FANCI: variants seen among roughly 807,000 people sequenced by gnomAD.
The protein encoded by FANCI is Fanconi anemia group I protein.
In FANCI, 156 loss-of-function variants were observed where a neutral mutation model predicts 176.1. That is an observed-to-expected ratio of 0.89 (90% confidence interval 0.78 to 1.01). FANCI has a LOEUF of 1.01. Among genes scored for constraint, FANCI ranks in the 50% least tolerant of loss-of-function variants. The pLI, the probability that FANCI is intolerant of heterozygous loss-of-function variation, is 0.00. For missense variants in FANCI, 1,678 were observed against 1,534.1 expected, an observed-to-expected ratio of 1.09 and a Z score of -1.57; for synonymous variants, 613 against 541.7, an observed-to-expected ratio of 1.13 and a Z score of -1.83.
At chr15:89,306,261 G>A (rs977004935) in intron 32 of FANCI, 67 bp downstream of exon 32, 2 of 1,500,746 alleles carry the variant, frequency 1.3e-6, no homozygotes, top group Non-Finnish European at 1.8e-6. Context: ...ATGAGGATGG[G>A]GCAGCAGCCC....
At chr15:89,283,400 A>G in intron 17 of FANCI, 150 bp downstream of exon 17, 1 of 1,265,976 alleles carries the variant, frequency 7.9e-7, no homozygotes, top group Non-Finnish European at 1.1e-6. Flanking sequence ...GATGATGATG[A>G]TGATGATGAT....
chr15:89,256,538 A>G (rs1248723720), intron 2 of FANCI, among the ~76,000 whole-genome samples: 2 of 152,044 alleles, frequency 1.3e-5, no homozygotes, highest in East Asian at 1.9e-4. Flanking sequence ...TTATCCTCCA[A>G]TGTTATTGAC....
At chr15:89,267,412 GTTAA>G (rs1255545201) in intron 9 of FANCI, among the ~76,000 whole-genome samples, 8 of 151,326 alleles carry the variant, frequency 5.3e-5, no homozygotes, top group African/African-American at 1.9e-4. Context: ...GAAAGAAGTA[GTTAA>G]TTGTGTCAGA....
rs374004082 is a variant in FANCI at position 89,253,642 on chromosome 15, A to G, written c.85-5062A>G. Among the ~76,000 whole-genome samples, 147 of 152,318 alleles carry G rather than the reference A, an allele frequency of 9.7e-4. 7 individuals carry two copies. In the South Asian group the frequency reaches 0.03, roughly 31 times the overall value. ...ATACAAAGTATAGATGCAAGAAAAG[A>G]TAAGTTTGTCTACATATAAGTTAAA... On this transcript the variant is annotated intron_variant, in intron 2 of 37. Transcript: ENST00000310775.
chr15:89,303,061 TA>T (rs751506091), intron 27 of FANCI, among the ~76,000 whole-genome samples: 4 of 152,168 alleles, frequency 2.6e-5, no homozygotes, highest in Non-Finnish European at 4.4e-5. Context: ...CCCTTCCAAG[TA>T]AATATAGAGT....
intron 13 of FANCI, among the ~76,000 whole-genome samples, chr15:89,278,323 G>T (rs962219073): frequency 1.3e-5 from 2 of 152,098 alleles, no homozygotes; most frequent in African/African-American, 4.8e-5. Flanking sequence ...AATCTTCATG[G>T]GCTTTTACAT....
At chr15:89,296,414 C>T (rs200834678) in intron 24 of FANCI, among the ~76,000 whole-genome samples, 8 of 111,958 alleles carry the variant, frequency 7.1e-5, no homozygotes, top group Non-Finnish European at 9.1e-5. Flanking sequence ...TTTGTTTTTT[C>T]GTTTTTTTTG....
At chr15:89,296,923 C>A (rs1424092041) in intron 24 of FANCI, among the ~76,000 whole-genome samples, 1 of 136,926 alleles carries the variant, frequency 7.3e-6, no homozygotes, top group African/African-American at 2.6e-5. Context: ...GGGGGGCTGA[C>A]CCCCCCACCT....
At chr15:89,251,912 A>G (rs2052269562) in intron 2 of FANCI, among the ~76,000 whole-genome samples, 2 of 152,232 alleles carry the variant, frequency 1.3e-5, no homozygotes, top group South Asian at 4.1e-4. Flanking sequence ...GGCCGGGAAC[A>G]AAGCAATGAT....
At chr15:89,286,873 G>A (rs1467609369) in intron 18 of FANCI, among the ~76,000 whole-genome samples, 1 of 150,500 alleles carries the variant, frequency 6.6e-6, no homozygotes, top group African/African-American at 2.4e-5. Context: ...CATCTACATT[G>A]AAAATCTGTT....
intron 7 of FANCI, 48 bp from the exon 8 acceptor site, chr15:89,263,855 C>A: frequency 6.2e-7 from 1 of 1,611,594 alleles, no homozygotes; most frequent in Non-Finnish European, 8.5e-7. Context: ...TTTCTGAAAA[C>A]AAGGCAGTTA....
At position 89,285,156 on chromosome 15, in the gene FANCI, A is replaced by G. The variant is rs774009988; in HGVS notation, c.1759A>G (p.Ile587Val). 3.1e-6 allele frequency: 5 copies of G among 1,614,152 alleles called. No homozygotes were observed. The highest frequency in any genetic ancestry group is 4.2e-6 in the Non-Finnish European group (5 of 1,180,030). Reference protein sequence around the residue: ...SVANETFCLEIMDSLRRCLSQ... With the variant: ...SVANETFCLEVMDSLRRCLSQ... ...CGCCAATGAAACTTTTTGCCTTGAG[A>G]TCATGGATAGTTTGAGGAGATGCTT... Residue 587 changes from isoleucine (I) to valine (V), a missense_variant, in exon 18 of 38, where the codon ATC becomes GTC. Ile to Val is a conservative substitution (Grantham distance 29). Around this residue, in one of 3 missense-constraint regions of FANCI, gnomAD observed 1,204 missense variants for 1,077.4 expected, o/e 1.12. Coordinates refer to ENST00000310775, the MANE Select transcript of FANCI (RefSeq NM_001113378.2).
rs2052722983 is a variant in FANCI, at chr15:89,261,835, G to A, written c.460G>A (p.Glu154Lys). 1.2e-6 allele frequency: 2 copies of A among 1,613,900 alleles called. No individual in the cohort carries two copies. The highest frequency in any genetic ancestry group is 1.1e-5 in the South Asian group (1 of 91,072). ...LAYGKGVLSG[E>K]ECKKQLINTL... ...TGCATTTCTAGGTGTACTGAGTGGG[G>A]AAGAATGTAAGAAACAGTTGATTAA... The change falls in exon 6 of 38, where the codon GAA becomes AAA. Residue 154 changes from glutamate to lysine, a missense_variant. Physicochemically the swap from Glu to Lys is moderately conservative, Grantham distance 56 (BLOSUM62 1). Around this residue, in one of 3 missense-constraint regions of FANCI, gnomAD observed 469 missense variants for 436.9 expected, o/e 1.07. Coordinates refer to ENST00000310775, the MANE Select transcript of FANCI (RefSeq NM_001113378.2).
chr15:89,281,909 C>G, intron 16 of FANCI, 74 bp downstream of exon 16: 1 of 1,263,928 alleles, frequency 7.9e-7, no homozygotes, highest in South Asian at 1.2e-5. Flanking sequence ...TCTGCCATCT[C>G]CTAGTACCAC....
At chr15:89,248,085 C>A (rs926747450) in intron 2 of FANCI, among the ~76,000 whole-genome samples, 4 of 152,180 alleles carry the variant, frequency 2.6e-5, no homozygotes, top group African/African-American at 9.7e-5. Context: ...ATTAGTTTTG[C>A]ATTTTGATGC....
At chr15:89,260,119 A>T (rs527770683) in intron 3 of FANCI, among the ~76,000 whole-genome samples, 1 of 152,106 alleles carries the variant, frequency 6.6e-6, no homozygotes, top group South Asian at 2.1e-4. Context: ...ACTTGTTATT[A>T]TCTTTTTTTT....
rs778853117 is a variant in FANCI at position 89,290,324 on chromosome 15, G to A, written c.1890+43G>A. On this transcript the variant is annotated intron_variant, in intron 19 of 37. Transcript: ENST00000310775. ...GGATATATGGAAAACAGACCATCAA[G>A]GATCGAGAGACAGTTGATGGTTTTC... The A allele has an allele frequency of 1.3e-5, 19 of 1,428,162 alleles. No individual in the cohort carries two copies. The African/African-American group carries it at 2.1e-4, about 16-fold the overall frequency. 88.5% of individuals were successfully genotyped at this position (1,428,162 alleles called of 1,614,324 possible). A position where few individuals can be genotyped will look rare whatever the true frequency, so the allele number is the denominator to read the frequency against.
chr15:89,254,363 C>T (rs1371197267), intron 2 of FANCI, among the ~76,000 whole-genome samples: 1 of 152,122 alleles, frequency 6.6e-6, no homozygotes, highest in Non-Finnish European at 1.5e-5. Context: ...GAACCTGGAA[C>T]ATCTTGCTAT....
At chr15:89,274,613 T>C (rs1343397833) in intron 12 of FANCI, among the ~76,000 whole-genome samples, 1 of 135,414 alleles carries the variant, frequency 7.4e-6, no homozygotes. Flanking sequence ...TTTTTTTTTT[T>C]TTTTTTTTTG....
Sources: allele counts gnomAD v4.1 joint callset (sites outside exome capture counted in the v4.1 genomes callset), GRCh38; gene constraint gnomAD v4.1.1; regional missense constraint gnomAD v4.1.1; transcripts MANE v1.5; gene names NCBI Gene and HGNC (gene_info 2026-07-23, HGNC 2026-07-21).